Variants in CDH13 observed in about 807,000 individuals in gnomAD.
CDH13 encodes the protein cadherin 13.
CDH13 carries 24 observed loss-of-function variants against 63.8 expected under a neutral mutation model. The observed-to-expected ratio is 0.38, with a 90% CI of 0.27 to 0.53. CDH13 has a LOEUF of 0.53. Ranked by LOEUF, CDH13 falls within the 20% of genes least tolerant of loss-of-function variation. The probability of loss-of-function intolerance (pLI) is 0.85; values close to 1 mark genes in which losing one functional copy is unlikely to be tolerated. For missense variants in CDH13, 1,049 were observed against 903.1 expected (o/e 1.16, Z -2.07); for synonymous variants, 503 against 355.3 (o/e 1.42, Z -4.67).
At chr16:83,505,538 T>C (rs1352355604) in intron 7 of CDH13, among the ~76,000 whole-genome samples, 5 of 144,202 alleles carry the variant, frequency 3.5e-5, no homozygotes, top group African/African-American at 1.3e-4. Context: ...ATCCTTTTTT[T>C]TTTTTTTTTT....
chr16:83,172,762 T>C (rs1289223161), intron 4 of CDH13, among the ~76,000 whole-genome samples: 1 of 151,864 alleles, frequency 6.6e-6, no homozygotes, highest in African/African-American at 2.4e-5. Context: ...ACAAACAACA[T>C]AGTAGATAAA....
At chr16:83,147,491 C>T (rs2036800565) in intron 4 of CDH13, among the ~76,000 whole-genome samples, 1 of 152,200 alleles carries the variant, frequency 6.6e-6, no homozygotes, top group African/African-American at 2.4e-5. Flanking sequence ...TGATCTGGTG[C>T]CTTATCCTGC....
chr16:82,635,576 C>T (rs917182810), intron 1 of CDH13, among the ~76,000 whole-genome samples: 2 of 152,138 alleles, frequency 1.3e-5, no homozygotes, highest in East Asian at 3.9e-4. Context: ...GTGATGTGAT[C>T]AGATTTGCAT....
chr16:83,578,946 G>A (rs1035983318), intron 7 of CDH13, among the ~76,000 whole-genome samples: 4 of 152,172 alleles, frequency 2.6e-5, no homozygotes, highest in East Asian at 1.9e-4. Flanking sequence ...AGTTAGTAGC[G>A]GAGTCAATCT....
intron 7 of CDH13, among the ~76,000 whole-genome samples, chr16:83,535,147 A>G (rs1384097134): frequency 6.6e-6 from 1 of 152,250 alleles, no homozygotes; most frequent in Non-Finnish European, 1.5e-5. Flanking sequence ...GTTAACTGGG[A>G]GACCAGAGCA....
intron 11 of CDH13, among the ~76,000 whole-genome samples, chr16:83,767,021 C>G (rs535349186): frequency 1.3e-5 from 2 of 152,252 alleles, no homozygotes; most frequent in Admixed American, 6.5e-5. Flanking sequence ...AAACCCCTTT[C>G]CCTTATAAAT....
At chr16:82,880,757 T>C (rs898245742) in intron 2 of CDH13, among the ~76,000 whole-genome samples, 2 of 152,204 alleles carry the variant, frequency 1.3e-5, no homozygotes, top group African/African-American at 4.8e-5. Context: ...CAGCCCTTCA[T>C]GACTAATATT....
intron 8 of CDH13, among the ~76,000 whole-genome samples, chr16:83,627,551 T>C (rs1031225577): frequency 9.2e-5 from 14 of 152,168 alleles, no homozygotes; most frequent in Non-Finnish European, 1.6e-4. Context: ...ATTTTGTTTT[T>C]CATTTTGTTT....
At position 82,690,216 on chromosome 16, in the gene CDH13, G is replaced by C. The variant is rs114241028; in HGVS notation, c.45+63079G>C. The stretch of plus-strand genomic sequence containing the variant: ...CTCATGACCCCGGGTGGGTGGCTGG[G>C]GTGGGGTTGGTGGAGGGAAATAAAT... On this transcript the variant is annotated intron_variant, in intron 1 of 13. Transcript: ENST00000567109. Among the ~76,000 whole-genome samples the C allele has an allele frequency of 5.0e-3, 762 of 151,306 alleles. 7 individuals are homozygous for C. The highest frequency in any genetic ancestry group is 0.016 in the African/African-American group (662 of 41,250).
intron 3 of CDH13, among the ~76,000 whole-genome samples, chr16:83,103,784 G>A (rs2034631337): frequency 6.6e-6 from 1 of 152,158 alleles, no homozygotes; most frequent in Admixed American, 6.5e-5. Flanking sequence ...AAGACTTAGT[G>A]CCTAATTCAC....
At chr16:83,719,701 C>G (rs150068291) in intron 10 of CDH13, among the ~76,000 whole-genome samples, 1 of 152,274 alleles carries the variant, frequency 6.6e-6, no homozygotes, top group Non-Finnish European at 1.5e-5. Context: ...GGTGAGGAGG[C>G]TGTGGCATAC....
intron 6 of CDH13, chr16:83,396,657 G>C (rs771852978): frequency 6.6e-6 from 1 of 152,134 alleles, no homozygotes; most frequent in African/African-American, 2.4e-5. Context: ...GACAGGTGAC[G>C]TTCGTGAGGT....
chr16:83,134,673 C>G (rs1287412874), intron 4 of CDH13, among the ~76,000 whole-genome samples: 4 of 151,064 alleles, frequency 2.6e-5, no homozygotes, highest in Middle Eastern at 3.5e-3. Context: ...ACACTCATAA[C>G]TTTTATCTTT....
At chr16:83,679,957 G>T (rs557632952) in intron 10 of CDH13, among the ~76,000 whole-genome samples, 2 of 152,194 alleles carry the variant, frequency 1.3e-5, no homozygotes, top group African/African-American at 4.8e-5. Context: ...TGGGACCCAG[G>T]ACTAGATGTC....
At chr16:83,198,758 C>G (rs1324168577) in intron 4 of CDH13, among the ~76,000 whole-genome samples, 1 of 152,140 alleles carries the variant, frequency 6.6e-6, no homozygotes, top group Non-Finnish European at 1.5e-5. Flanking sequence ...AAAGATTCAA[C>G]TCCTGCTTTC....
chr16:83,676,237 C>T (rs1486042493), intron 9 of CDH13, among the ~76,000 whole-genome samples: 1 of 152,196 alleles, frequency 6.6e-6, no homozygotes, highest in African/African-American at 2.4e-5. Context: ...CCCCACTATC[C>T]TCCTGCTTGT....
intron 5 of CDH13, among the ~76,000 whole-genome samples, chr16:83,319,008 A>C (rs547049595): frequency 1.3e-5 from 2 of 151,016 alleles, no homozygotes; most frequent in East Asian, 3.9e-4. Context: ...GAAAATATAT[A>C]TTATACAAAA....
chr16:83,119,925 A>T (rs747053414), intron 3 of CDH13, among the ~76,000 whole-genome samples: 4 of 152,248 alleles, frequency 2.6e-5, no homozygotes, highest in Non-Finnish European at 5.9e-5. Flanking sequence ...ACAGGCAAAG[A>T]TAGAAGCAGA....
At chr16:83,386,452 T>C (rs2091676728) in intron 6 of CDH13, among the ~76,000 whole-genome samples, 1 of 152,190 alleles carries the variant, frequency 6.6e-6, no homozygotes, top group Non-Finnish European at 1.5e-5. Flanking sequence ...TGGAAGCAAC[T>C]ATATTTTTGA....
Sources: allele counts gnomAD v4.1 joint callset (sites outside exome capture counted in the v4.1 genomes callset), GRCh38; gene constraint gnomAD v4.1.1; transcripts MANE v1.5; gene names NCBI Gene and HGNC (gene_info 2026-07-23, HGNC 2026-07-21).